Variants in ADGRD1 observed in about 807,000 individuals in gnomAD.
ADGRD1 encodes the protein adhesion G protein-coupled receptor D1, also known as G-protein coupled receptor 133.
ADGRD1 carries 77 observed loss-of-function variants against 113.4 expected under a neutral mutation model. The observed-to-expected ratio is 0.68, with a 90% CI of 0.57 to 0.82. The LOEUF (loss-of-function observed/expected upper bound fraction) is 0.82, where lower values mean the gene tolerates loss of function less well. Ranked by LOEUF, ADGRD1 falls within the 40% of genes least tolerant of loss-of-function variation. ADGRD1 has a pLI of 0.00. For missense variants in ADGRD1, 1,036 were observed against 1,139.1 expected (o/e 0.91, Z 1.30); for synonymous variants, 474 against 475.0 (o/e 1.00, Z 0.03).
At position 131,113,704 on chromosome 12, in the gene ADGRD1, C is replaced by T. The variant is rs1401711860; in HGVS notation, c.2042-4681C>T. Among the ~76,000 whole-genome samples, 1 of 152,204 alleles carries T rather than the reference C, an allele frequency of 6.6e-6. No individual in the cohort carries two copies. The highest frequency in any genetic ancestry group is 1.5e-5 in the Non-Finnish European group (1 of 68,030). On this transcript the variant is annotated intron_variant, in intron 18 of 24. Coordinates refer to ENST00000261654, the MANE Select transcript of ADGRD1 (RefSeq NM_198827.5). This position sits in a 1 kb window ranked among gnomAD's most constrained non-coding sequence, Gnocchi z 4.9. ...TGGTCATGCAGGGAGCTCCCCGAGT[C>T]ACCACGGACGTCCTCCGTCCTGCCT...
chr12:131,035,251 TGGACC>T (rs1302142618), intron 13 of ADGRD1: 1 of 152,652 alleles, frequency 6.6e-6, no homozygotes, highest in Non-Finnish European at 1.5e-5. Flanking sequence ...CCAGCGCTCC[TGGACC>T]GGGTGGGCTC....
Position 131,003,010 on chromosome 12 carries a change from G to A in ADGRD1, c.1027-175G>A, listed in dbSNP as rs539487225. ...TGTCCATGCTCCGTGAGCTCAGTCG[G>A]GTGTGTGGCCTCCGTGTGGTCCCCT... is the stretch of plus-strand genomic sequence containing the variant. On this transcript the variant is annotated intron_variant, in intron 9 of 24. Coordinates refer to ENST00000261654, the MANE Select transcript of ADGRD1 (RefSeq NM_198827.5). The surrounding 1 kb of genome is among the most constrained non-coding windows in gnomAD (Gnocchi z 4.8). Among the ~76,000 whole-genome samples the A allele has an allele frequency of 1.3e-5, 2 of 152,312 alleles. No individual in the cohort carries two copies. The highest frequency in any genetic ancestry group is 4.1e-4 in the South Asian group (2 of 4,828).
intron 20 of ADGRD1, among the ~76,000 whole-genome samples, chr12:131,121,568 C>CG (rs1395441494): frequency 1.3e-5 from 2 of 152,118 alleles, no homozygotes; most frequent in African/African-American, 4.8e-5. Flanking sequence ...TTAGTAGAGA[C>CG]GGGGTTTCAC....
chr12:131,038,061 C>T (rs565235057), intron 13 of ADGRD1, among the ~76,000 whole-genome samples: 1 of 152,186 alleles, frequency 6.6e-6, no homozygotes, highest in Non-Finnish European at 1.5e-5. Flanking sequence ...TGCACCGGGT[C>T]TCACTCACTA....
intron 13 of ADGRD1, chr12:131,023,950 T>C (rs1879638392): frequency 6.6e-6 from 1 of 152,188 alleles, no homozygotes; most frequent in Non-Finnish European, 1.5e-5. Context: ...CAACTCAGAA[T>C]GGTCCCCAGC....
At chr12:131,081,009 G>A (rs1886030484) in intron 14 of ADGRD1, among the ~76,000 whole-genome samples, 1 of 152,126 alleles carries the variant, frequency 6.6e-6, no homozygotes, top group Non-Finnish European at 1.5e-5. Flanking sequence ...TGGAAGATTA[G>A]CCCTTTTATC....
chr12:131,084,755 A>G lies in ADGRD1; in HGVS notation c.1671+92A>G, dbSNP rs1660914084. ...GAGGATGCTTTGCCCGCCAGTGCCC[A>G]CGGGCCCTGGGCACATTACTCCATG... On this transcript the variant is annotated intron_variant, in intron 15 of 24. Transcript: ENST00000261654. This position sits in a 1 kb window ranked among gnomAD's most constrained non-coding sequence, Gnocchi z 4.5. 3 of 1,391,240 alleles carry G rather than the reference A, an allele frequency of 2.2e-6. No homozygotes were observed. The highest frequency in any genetic ancestry group is 2.0e-6 in the Non-Finnish European group (2 of 1,003,430). 86.2% of individuals were successfully genotyped at this position (1,391,240 alleles called of 1,614,324 possible).
At chr12:131,061,803 TC>T (rs1205365072) in intron 13 of ADGRD1, among the ~76,000 whole-genome samples, 2 of 152,238 alleles carry the variant, frequency 1.3e-5, no homozygotes, top group African/African-American at 4.8e-5. Flanking sequence ...CCTTCTACCA[TC>T]CCTAACTCCT....
intron 13 of ADGRD1, chr12:131,026,580 T>C (rs1429757654): frequency 6.6e-6 from 1 of 152,412 alleles, no homozygotes; most frequent in Non-Finnish European, 1.5e-5. Context: ...TGAAGTTGGC[T>C]TGTGTTTCTG....
Position 131,118,414 on chromosome 12 carries a change from C to G in ADGRD1, c.2071C>G (p.Leu691Val). ...GFPLLICIIS[L>V]SFAMDSYGTS... ...TCCTCTTCTGATCTGCATCATTTCA[C>G]TGTCATTTGCCATGGACAGTTACGG... The change falls in exon 19 of 25, where the codon CTG (leucine) becomes GTG (valine). Residue 691 changes from leucine (L) to valine (V), a missense_variant. Physicochemically the swap from Leu to Val is conservative, Grantham distance 32 (BLOSUM62 1). Transcript: ENST00000261654. 6.2e-7 allele frequency: 1 copy of G among 1,612,454 alleles called. No individual in the cohort carries two copies. Among genetic ancestry groups the G allele is most frequent in the Non-Finnish European group, 8.5e-7 (1 of 1,179,366 alleles).
chr12:131,108,181 G>C (rs992014330), intron 17 of ADGRD1, among the ~76,000 whole-genome samples: 3 of 152,218 alleles, frequency 2.0e-5, no homozygotes, highest in African/African-American at 7.2e-5. Flanking sequence ...ATGGTCGCCT[G>C]AGCCCCTTTC....
rs905714739 is a variant in ADGRD1 at position 131,140,628 on chromosome 12, A to G, written c.*1365A>G. On this transcript the variant is annotated 3_prime_UTR_variant, in exon 25 of 25. Coordinates refer to ENST00000261654, the MANE Select transcript of ADGRD1 (RefSeq NM_198827.5). Reference sequence around the variant, plus strand: ...GACCATGATTTCATTCAGCCCCTCCACACCCCTATGTCTGCCTTGTTTCAG... The same window carrying G: ...GACCATGATTTCATTCAGCCCCTCCGCACCCCTATGTCTGCCTTGTTTCAG... The G allele has an allele frequency of 6.6e-6, 1 of 152,212 alleles. No individual in the cohort carries two copies. The highest frequency in any genetic ancestry group is 1.5e-5 in the Non-Finnish European group (1 of 68,052). The allele number at this position is 152,212 out of a possible 1,614,324, so 9.4% of individuals were successfully genotyped here. A position where few individuals can be genotyped will look rare whatever the true frequency, so the allele number is the denominator to read the frequency against.
In ADGRD1 at chr12:130,981,936, C is replaced by T. The variant is rs1348985572; in HGVS notation, c.363C>T (p.Ile121=). Reference sequence around the variant, plus strand: ...CACAAGGAGAACAGTCTAGACCAATCCCTTCTGCGTATGGGGGACAGGTCA... The same window carrying T: ...CACAAGGAGAACAGTCTAGACCAATTCCTTCTGCGTATGGGGGACAGGTCA... ...WKTQGEQSRP[I]PSAYGGQVIS... The change falls in exon 5 of 25, where the codon ATC becomes ATT. Residue 121 remains isoleucine, a synonymous_variant. Coordinates refer to ENST00000261654, the MANE Select transcript of ADGRD1 (RefSeq NM_198827.5). 33 of 1,613,750 alleles carry T rather than the reference C, an allele frequency of 2.0e-5. No homozygotes were observed. The East Asian group carries it at 7.1e-4, about 35-fold the overall frequency.
chr12:131,078,851 T>C (rs1286804927), intron 14 of ADGRD1, among the ~76,000 whole-genome samples: 1 of 152,196 alleles, frequency 6.6e-6, no homozygotes, highest in Non-Finnish European at 1.5e-5. Flanking sequence ...AATTATTACT[T>C]ATTATTATAT....
chr12:131,003,504 A>G lies in ADGRD1; in HGVS notation c.1144+202A>G, dbSNP rs1014597143. ...CGGCCATGATATGCAGATGGGGCCCATAAGCTTTTCCCAGTGACTTGGGAG... is the reference window on the plus strand; with the variant it reads ...CGGCCATGATATGCAGATGGGGCCCGTAAGCTTTTCCCAGTGACTTGGGAG... On this transcript the variant is annotated intron_variant, in intron 10 of 24. Transcript: ENST00000261654. The surrounding 1 kb of genome is among the most constrained non-coding windows in gnomAD (Gnocchi z 4.8). 3.9e-5 allele frequency among the ~76,000 whole-genome samples: 6 copies of G among 152,314 alleles called. No individual in the cohort carries two copies. The highest frequency in any genetic ancestry group is 1.4e-4 in the African/African-American group (6 of 41,582).
intron 13 of ADGRD1, among the ~76,000 whole-genome samples, chr12:131,049,924 A>G (rs1475815319): frequency 1.3e-5 from 2 of 152,114 alleles, no homozygotes; most frequent in Non-Finnish European, 2.9e-5. Flanking sequence ...AAAGATGGGA[A>G]CCGAGCATCT....
At chr12:130,962,522 A>G (rs1380998330) in intron 2 of ADGRD1, 1 of 152,230 alleles carries the variant, frequency 6.6e-6, no homozygotes, top group Non-Finnish European at 1.5e-5. Context: ...CAAGTCAATG[A>G]GGTTTTGTCC....
intron 4 of ADGRD1, among the ~76,000 whole-genome samples, chr12:130,974,129 T>C (rs1872031679): frequency 6.6e-6 from 1 of 152,160 alleles, no homozygotes; most frequent in African/African-American, 2.4e-5. Context: ...CCTTTCCCGC[T>C]TTCCTCTGCT....
chr12:131,117,006 G>A (rs999687176), intron 18 of ADGRD1, among the ~76,000 whole-genome samples: 1 of 152,226 alleles, frequency 6.6e-6, no homozygotes, highest in Non-Finnish European at 1.5e-5. Flanking sequence ...GGCTGAGCTT[G>A]AGGAGTGTTG....
Sources: gnomAD v4.1 joint callset for allele counts (sites outside exome capture counted in the v4.1 genomes callset) on GRCh38, gnomAD v4.1.1 for gene constraint, Gnocchi (gnomAD v3.1) non-coding constraint, MANE v1.5 for transcripts, NCBI Gene and HGNC (gene_info 2026-07-23, HGNC 2026-07-21) for gene names.